The following OVCH1 variants were observed in gnomAD, a reference collection of about 807,000 sequenced individuals.
The protein encoded by OVCH1 is ovochymase-1.
Under a neutral mutation model 138.4 loss-of-function variants are expected in OVCH1, and 139 were observed. The ratio of observed to expected loss-of-function variants is 1.00; its 90% CI spans 0.87 to 1.16. OVCH1 has a LOEUF of 1.16. Among genes scored for constraint, OVCH1 ranks in the 50% most tolerant of loss-of-function variants. The pLI, the probability that OVCH1 is intolerant of heterozygous loss-of-function variation, is 0.00. For synonymous variants in OVCH1, 453 were observed against 467.8 expected, an observed-to-expected ratio of 0.97 and a Z score of 0.41; for missense variants, 1,367 against 1,357.9, an observed-to-expected ratio of 1.01 and a Z score of -0.11.
Position 29,455,154 on chromosome 12 carries a change from T to C in OVCH1, c.2437+95A>G. On this transcript the variant is annotated intron_variant, in intron 20 of 27. Coordinates refer to ENST00000318184, the Ensembl canonical transcript of OVCH1. ...ACTAAATGAAATTCTACTCTATGGT[T>C]TTCTCTTTCATGCTAATTTATACCA... is the stretch of plus-strand genomic sequence containing the variant. 3 of 1,408,874 alleles carry C rather than the reference T, an allele frequency of 2.1e-6. No individual in the cohort carries two copies. In the South Asian group the frequency reaches 4.2e-5, roughly 20 times the overall value. The allele number at this position is 1,408,874 out of a possible 1,614,324, so 87.3% of individuals were successfully genotyped here.
rs371429909 is a variant in OVCH1 at position 29,477,083 on chromosome 12, C to T, written c.1377+19G>A. On this transcript the variant is annotated intron_variant, in intron 12 of 27. Coordinates refer to ENST00000318184, the Ensembl canonical transcript of OVCH1. ...TAACTCTATTCTTTATGAGGTAGAG[C>T]GATTCCTCAGTTGCCTACCTTTATA... 67 of 1,576,040 alleles carry T rather than the reference C, an allele frequency of 4.3e-5. No homozygotes were observed. The highest frequency in any genetic ancestry group is 1.8e-4 in the Admixed American group (10 of 54,598).
At chr12:29,473,983 G>A (rs1229853454) in intron 14 of OVCH1, among the ~76,000 whole-genome samples, 1 of 151,698 alleles carries the variant, frequency 6.6e-6, no homozygotes, top group African/African-American at 2.4e-5. Context: ...TTTGGGACTC[G>A]GACTGGCTTT....
chr12:29,414,867 A>C (rs1459720199), intron 3 of OVCH1, among the ~76,000 whole-genome samples: 2 of 152,144 alleles, frequency 1.3e-5, no homozygotes, highest in East Asian at 3.9e-4. Flanking sequence ...ATATTTTAAA[A>C]GTCTTTAATA....
In OVCH1 at chr12:29,465,755, T is replaced by A. The variant is rs976152287; in HGVS notation, c.1857-536A>T. ...AACCTTGCCAAATATCACCAAAGGC[T>A]TTTTTTAGGTCGAGGAGGAAAAATG... On this transcript the variant is annotated intron_variant, in intron 16 of 27. Coordinates refer to ENST00000318184, the Ensembl canonical transcript of OVCH1. Among the ~76,000 whole-genome samples, 5 of 152,078 alleles carry A rather than the reference T, an allele frequency of 3.3e-5. No homozygotes were observed. The South Asian group carries it at 8.3e-4, about 25-fold the overall frequency.
intron 7 of OVCH1, chr12:29,487,106 C>T: frequency 3.7e-6 from 1 of 267,812 alleles, no homozygotes; most frequent in East Asian, 1.1e-4. Context: ...GCACTATGTT[C>T]TGGGGCTCTG....
At chr12:29,427,698 G>A (rs887807416) in intron 27 of OVCH1, 5 of 1,533,764 alleles carry the variant, frequency 3.3e-6, no homozygotes, top group East Asian at 2.5e-5. Context: ...TATGGTATTT[G>A]TTATAGCAGC....
At chr12:29,468,660 A>C (rs1029191514) in intron 16 of OVCH1, among the ~76,000 whole-genome samples, 2 of 152,190 alleles carry the variant, frequency 1.3e-5, no homozygotes, top group Non-Finnish European at 2.9e-5. Flanking sequence ...ACTTTGATAG[A>C]ATTCTTATAA....
intron 3 of OVCH1, among the ~76,000 whole-genome samples, chr12:29,495,792 A>T (rs1246252053): frequency 6.6e-6 from 1 of 152,162 alleles, no homozygotes; most frequent in Non-Finnish European, 1.5e-5. Flanking sequence ...TTCTCTTATT[A>T]GTACCCTCTT....
rs182119004 is a variant in OVCH1, at chr12:29,438,786, C to A, written c.3264+542G>T. Among the ~76,000 whole-genome samples, 4 of 152,180 alleles carry A rather than the reference C, an allele frequency of 2.6e-5. No homozygotes were observed. The East Asian group carries it at 7.7e-4, about 29-fold the overall frequency. ...ATTACAATTGCTATATAATTTGTAT[C>A]TATTTTTTCTCATTTACAGTAGAAA... is the stretch of plus-strand genomic sequence containing the variant. On this transcript the variant is annotated intron_variant, in intron 26 of 27. Transcript: ENST00000318184.
At chr12:29,450,912 A>C (rs947801341) in intron 22 of OVCH1, among the ~76,000 whole-genome samples, 3 of 151,896 alleles carry the variant, frequency 2.0e-5, no homozygotes, top group African/African-American at 7.3e-5. Context: ...AAGCTAACAC[A>C]AGAACAGAAA....
At chr12:29,451,285 A>G in intron 22 of OVCH1, 60 bp downstream of exon 22, 1 of 1,375,636 alleles carries the variant, frequency 7.3e-7, no homozygotes, top group East Asian at 2.4e-5. Flanking sequence ...ATTCCTGATC[A>G]TAAGCTGCCT....
At chr12:29,443,366 A>G (rs1941535696) in exon 25 of OVCH1, 1 of 1,609,534 alleles carries the variant, frequency 6.2e-7, no homozygotes, top group Non-Finnish European at 8.5e-7. Context: ...GTTACCTATT[A>G]ATTTTTTTCC....
intron 21 of OVCH1, 35 bp from the exon 22 acceptor site, chr12:29,451,604 C>A (rs1391366838): frequency 1.3e-6 from 2 of 1,523,878 alleles, no homozygotes; most frequent in East Asian, 4.6e-5. Context: ...CAGGGACCAA[C>A]ATAAATAAAG....
chr12:29,489,704 A>G, exon 6 of OVCH1: 1 of 1,610,560 alleles, frequency 6.2e-7, no homozygotes, highest in East Asian at 2.2e-5. Flanking sequence ...TCTTGAGCAC[A>G]GTATTACACG....
chr12:29,426,562 C>A (rs759981875), downstream of OVCH1, among the ~76,000 whole-genome samples: 9 of 152,232 alleles, frequency 5.9e-5, no homozygotes, highest in Admixed American at 2.0e-4. Flanking sequence ...TTTAGCATGG[C>A]CCAAACAGAT....
intron 8 of OVCH1, among the ~76,000 whole-genome samples, 161 bp from the exon 10 acceptor site, chr12:29,479,129 C>T (rs1259726873): frequency 1.3e-5 from 2 of 152,110 alleles, no homozygotes; most frequent in Non-Finnish European, 2.9e-5. Context: ...AATTCGTGCT[C>T]AAATTAATAA....
chr12:29,455,213 AG>A, intron 20 of OVCH1, 35 bp downstream of exon 20: 1 of 1,598,554 alleles, frequency 6.3e-7, no homozygotes. Flanking sequence ...CTAAAGAAAG[AG>A]GTTATTGTTT....
At chr12:29,453,508 C>A (rs964944857) in intron 21 of OVCH1, among the ~76,000 whole-genome samples, 1 of 152,112 alleles carries the variant, frequency 6.6e-6, no homozygotes, top group African/African-American at 2.4e-5. Context: ...AGCAATAACT[C>A]CAAGCCTTCT....
At chr12:29,408,775 T>C (rs1940915247), downstream of OVCH1, among the ~76,000 whole-genome samples, 1 of 150,348 alleles carries the variant, frequency 6.7e-6, no homozygotes, top group Admixed American at 6.7e-5. Flanking sequence ...TTCTCTTTTT[T>C]TGTTGTGTCT....
Sources: gnomAD v4.1 joint callset for allele counts (sites outside exome capture counted in the v4.1 genomes callset) on GRCh38, gnomAD v4.1.1 for gene constraint, MANE v1.5 for transcripts, NCBI Gene and HGNC (gene_info 2026-07-23, HGNC 2026-07-21) for gene names.